NXPE2: variants seen among roughly 807,000 people sequenced by gnomAD.
NXPE2 encodes the protein NXPE family member 2.
Under a neutral mutation model 34.4 loss-of-function variants are expected in NXPE2, and 34 were observed. The observed-to-expected ratio is 0.99, with a 90% confidence interval of 0.75 to 1.31. The LOEUF (loss-of-function observed/expected upper bound fraction) is 1.31, where lower values mean the gene tolerates loss of function less well. Among genes scored for constraint, NXPE2 ranks in the 40% most tolerant of loss-of-function variants. The pLI is 0.00. For synonymous variants in NXPE2, 235 were observed against 231.3 expected, an observed-to-expected ratio of 1.02 and a Z score of -0.15; for missense variants, 649 against 672.5, an observed-to-expected ratio of 0.97 and a Z score of 0.39.
At chr11:114,481,291 G>A in the NXPE2 span, among the ~76,000 whole-genome samples, 7 of 152,080 alleles carry the variant, frequency 4.6e-5, no homozygotes, top group Admixed American at 1.3e-4. Flanking sequence ...TTTCTATCTC[G>A]TTTCTTAACA....
the NXPE2 span, among the ~76,000 whole-genome samples, chr11:114,588,551 AAT>A: frequency 6.6e-6 from 1 of 152,176 alleles, no homozygotes; most frequent in South Asian, 2.1e-4. Context: ...GGGAAAAAAG[AAT>A]ATAGAGAAAA....
the NXPE2 span, among the ~76,000 whole-genome samples, chr11:114,771,252 C>A: frequency 6.6e-6 from 1 of 151,456 alleles, no homozygotes. Context: ...CAGAAACTTT[C>A]CCTCAGGGCT....
the NXPE2 span, among the ~76,000 whole-genome samples, chr11:114,534,173 A>G: frequency 1.3e-5 from 2 of 152,170 alleles, no homozygotes; most frequent in Admixed American, 1.3e-4. Flanking sequence ...CCAGGCAAAC[A>G]AGGTCTGGAG....
chr11:114,530,475 A>T, the NXPE2 span: 1 of 1,614,216 alleles, frequency 6.2e-7, no homozygotes, highest in Non-Finnish European at 8.5e-7. Flanking sequence ...CAGCAGAGAC[A>T]GGGAGACCTG....
At chr11:114,501,486 C>G in the NXPE2 span, among the ~76,000 whole-genome samples, 1 of 152,124 alleles carries the variant, frequency 6.6e-6, no homozygotes, top group Non-Finnish European at 1.5e-5. Context: ...CTTTGAATGA[C>G]CTTTTGACTT....
the NXPE2 span, among the ~76,000 whole-genome samples, chr11:114,533,969 G>A: frequency 6.6e-6 from 1 of 152,234 alleles, no homozygotes; most frequent in Non-Finnish European, 1.5e-5. Flanking sequence ...TGAGATCTGA[G>A]AATGGGCAGA....
At chr11:114,537,401 A>G in the NXPE2 span, among the ~76,000 whole-genome samples, 1 of 152,210 alleles carries the variant, frequency 6.6e-6, no homozygotes. Context: ...CAACACTCCT[A>G]TTCAACATAG....
chr11:114,713,844 C>T, the NXPE2 span, among the ~76,000 whole-genome samples: 1 of 152,178 alleles, frequency 6.6e-6, no homozygotes, highest in South Asian at 2.1e-4. Flanking sequence ...ATCTTCTTTT[C>T]CAGTCTACAC....
the NXPE2 span, among the ~76,000 whole-genome samples, chr11:114,625,193 G>A: frequency 1.7e-4 from 26 of 150,154 alleles, no homozygotes; most frequent in Middle Eastern, 3.8e-3. Context: ...TAATACGTGT[G>A]GCCTTGTGGG....
the NXPE2 span, chr11:114,529,306 T>G: frequency 6.5e-6 from 1 of 152,922 alleles, no homozygotes; most frequent in Non-Finnish European, 1.5e-5. Context: ...CTGGAACTGA[T>G]AGAAGTCTTA....
the NXPE2 span, among the ~76,000 whole-genome samples, chr11:114,595,018 G>A: frequency 2.0e-5 from 3 of 151,918 alleles, no homozygotes; most frequent in African/African-American, 7.3e-5. Context: ...TTAAGAAATC[G>A]AGCAGCTTAA....
the NXPE2 span, among the ~76,000 whole-genome samples, chr11:114,545,791 C>T: frequency 7.9e-5 from 12 of 151,562 alleles, no homozygotes; most frequent in East Asian, 7.8e-4. Flanking sequence ...CAGGTTCAAG[C>T]GATTCTCCTA....
the NXPE2 span, among the ~76,000 whole-genome samples, chr11:114,602,793 T>A: frequency 1.4e-5 from 2 of 143,360 alleles, no homozygotes; most frequent in African/African-American, 5.1e-5. Flanking sequence ...GTATAATAAT[T>A]ATCTCATATA....
the NXPE2 span, among the ~76,000 whole-genome samples, chr11:114,479,594 A>G: frequency 1.3e-5 from 2 of 152,070 alleles, no homozygotes; most frequent in Non-Finnish European, 2.9e-5. Flanking sequence ...GAATTGAGGT[A>G]TAGGAAGGAG....
chr11:114,787,486 G>T, the NXPE2 span, among the ~76,000 whole-genome samples: 49,487 of 151,924 alleles, frequency 0.33, 9,214 homozygotes, highest in Non-Finnish European at 0.41. Flanking sequence ...ACAATTCTAA[G>T]ATCCAATCAT....
chr11:114,745,515 T>C, the NXPE2 span, among the ~76,000 whole-genome samples: 2 of 152,198 alleles, frequency 1.3e-5, no homozygotes, highest in Non-Finnish European at 2.9e-5. Context: ...CCTCCAATAC[T>C]GGGGATCAGA....
At chr11:114,670,233 G>A in the NXPE2 span, among the ~76,000 whole-genome samples, 1 of 152,166 alleles carries the variant, frequency 6.6e-6, no homozygotes, top group Admixed American at 6.6e-5. Flanking sequence ...CAGATGGAGA[G>A]AGCTTAGAGA....
chr11:114,780,744 T>A, the NXPE2 span, among the ~76,000 whole-genome samples: 1 of 152,196 alleles, frequency 6.6e-6, no homozygotes, highest in African/African-American at 2.4e-5. Context: ...TATGGAGGTA[T>A]GATTTCAGCT....
the NXPE2 span, among the ~76,000 whole-genome samples, chr11:114,563,088 A>G: frequency 1.3e-5 from 2 of 152,118 alleles, no homozygotes; most frequent in Non-Finnish European, 2.9e-5. Flanking sequence ...GGCAAAAATC[A>G]CATGATTGAG....
Sources: gnomAD v4.1 joint callset for allele counts (sites outside exome capture counted in the v4.1 genomes callset) on GRCh38, gnomAD v4.1.1 for gene constraint, MANE v1.5 for transcripts, NCBI Gene and HGNC (gene_info 2026-07-23, HGNC 2026-07-21) for gene names.